The following NLGN1 variants were observed in gnomAD, a reference collection of about 807,000 sequenced individuals.
The protein encoded by NLGN1 is neuroligin-1.
Under a neutral mutation model 65.5 loss-of-function variants are expected in NLGN1, and 12 were observed. That is an observed-to-expected ratio of 0.18 (90% CI 0.12 to 0.30). The LOEUF (loss-of-function observed/expected upper bound fraction) is 0.30, where lower values mean the gene tolerates loss of function less well. NLGN1 is among the 10% of genes least tolerant of loss of function. The probability of loss-of-function intolerance (pLI) is 1.00; values close to 1 mark genes in which losing one functional copy is unlikely to be tolerated. For missense variants in NLGN1, 750 were observed against 1,007.1 expected (o/e 0.74, Z 3.46); for synonymous variants, 350 against 359.5 (o/e 0.97, Z 0.30).
intron 2 of NLGN1, among the ~76,000 whole-genome samples, chr3:173,545,824 C>T (rs1739709003): frequency 1.3e-5 from 2 of 152,050 alleles, no homozygotes; most frequent in Admixed American, 6.6e-5. Context: ...AACCACCATT[C>T]TCAGCAAACT....
At chr3:174,260,355 T>C (rs892318859) in intron 4 of NLGN1, among the ~76,000 whole-genome samples, 1 of 149,502 alleles carries the variant, frequency 6.7e-6, no homozygotes, top group Non-Finnish European at 1.5e-5. Context: ...TGTTGTTTCC[T>C]GACTTTTTAA....
At chr3:173,792,364 G>T (rs774720007) in intron 3 of NLGN1, among the ~76,000 whole-genome samples, 1 of 152,168 alleles carries the variant, frequency 6.6e-6, no homozygotes, top group Non-Finnish European at 1.5e-5. Flanking sequence ...TTATAGTCAG[G>T]TCTTGCTGGT....
intron 2 of NLGN1, among the ~76,000 whole-genome samples, chr3:173,447,627 T>G (rs985184742): frequency 6.6e-6 from 1 of 152,214 alleles, no homozygotes; most frequent in Non-Finnish European, 1.5e-5. Context: ...GGGGATGGCA[T>G]TGAATCTATA....
chr3:173,526,190 A>C (rs528339965), intron 2 of NLGN1, among the ~76,000 whole-genome samples: 2 of 152,112 alleles, frequency 1.3e-5, no homozygotes, highest in East Asian at 3.9e-4. Flanking sequence ...GTATTATTGA[A>C]TTGCTTTCAG....
At chr3:173,610,624 T>G (rs1226672359) in intron 3 of NLGN1, among the ~76,000 whole-genome samples, 1 of 151,914 alleles carries the variant, frequency 6.6e-6, no homozygotes, top group Non-Finnish European at 1.5e-5. Context: ...CAATGGAAAC[T>G]GAGAAAGAAT....
intron 3 of NLGN1, among the ~76,000 whole-genome samples, chr3:173,745,518 G>T (rs1332506809): frequency 6.6e-6 from 1 of 151,976 alleles, no homozygotes; most frequent in African/African-American, 2.4e-5. Context: ...ACAGACAAAA[G>T]TTCAAGCAAA....
intron 4 of NLGN1, among the ~76,000 whole-genome samples, chr3:174,107,844 A>T (rs1455219717): frequency 1.3e-5 from 2 of 152,154 alleles, no homozygotes; most frequent in Non-Finnish European, 2.9e-5. Flanking sequence ...GGGAATAGTG[A>T]CATCTCATTG....
At chr3:173,562,838 T>C (rs1241913175) in intron 2 of NLGN1, among the ~76,000 whole-genome samples, 1 of 152,216 alleles carries the variant, frequency 6.6e-6, no homozygotes, top group Non-Finnish European at 1.5e-5. Context: ...AAGTCATGTC[T>C]GTATTCCAGA....
chr3:173,482,825 C>T (rs1727518626), intron 2 of NLGN1, among the ~76,000 whole-genome samples: 1 of 151,968 alleles, frequency 6.6e-6, no homozygotes, highest in South Asian at 2.1e-4. Context: ...TGTAGGCAGA[C>T]AATGTCCTTA....
chr3:173,836,070 G>A (rs934576751), intron 4 of NLGN1, among the ~76,000 whole-genome samples: 1 of 152,132 alleles, frequency 6.6e-6, no homozygotes, highest in East Asian at 1.9e-4. Flanking sequence ...ACTGGAACTT[G>A]CAGCCAGGTA....
intron 3 of NLGN1, among the ~76,000 whole-genome samples, chr3:173,778,462 C>T (rs1216158714): frequency 6.6e-6 from 1 of 151,712 alleles, no homozygotes; most frequent in Admixed American, 6.6e-5. Flanking sequence ...CTTGCTGGCA[C>T]AAGATAAGGG....
At chr3:173,755,953 A>G (rs953415457) in intron 3 of NLGN1, among the ~76,000 whole-genome samples, 1 of 152,140 alleles carries the variant, frequency 6.6e-6, no homozygotes, top group African/African-American at 2.4e-5. Flanking sequence ...GATCAATTGT[A>G]TCATTGGTAA....
chr3:173,901,366 G>C lies in NLGN1; in HGVS notation c.646+93534G>C, dbSNP rs1224268137. Among the ~76,000 whole-genome samples the C allele has an allele frequency of 7.1e-5, 10 of 140,078 alleles. No individual in the cohort carries two copies. In the South Asian group the frequency reaches 1.6e-3, roughly 22 times the overall value. The allele number at this position is 140,078 out of a possible 152,430, so 91.9% of individuals were successfully genotyped here. A position where few individuals can be genotyped will look rare whatever the true frequency, so the allele number is the denominator to read the frequency against. ...ATTTGAAAAACTAGTATTTTTTTTG[G>C]GGGGGTGTGTGTGTGTGTGTTTAAA... On this transcript the variant is annotated intron_variant, in intron 4 of 6. Transcript: ENST00000457714.
chr3:173,490,606 A>G (rs1728958434), intron 2 of NLGN1, among the ~76,000 whole-genome samples: 1 of 152,152 alleles, frequency 6.6e-6, no homozygotes, highest in African/African-American at 2.4e-5. Flanking sequence ...TGAACTTTAA[A>G]GTAGCTTTTT....
chr3:173,983,970 A>G (rs1235565459), intron 4 of NLGN1, among the ~76,000 whole-genome samples: 7 of 152,208 alleles, frequency 4.6e-5, no homozygotes, highest in African/African-American at 1.7e-4. Context: ...CTGAATTTTT[A>G]AACAAAAATT....
At chr3:173,884,168 T>C (rs1282189764) in intron 4 of NLGN1, among the ~76,000 whole-genome samples, 2 of 152,192 alleles carry the variant, frequency 1.3e-5, no homozygotes, top group African/African-American at 4.8e-5. Context: ...TTACATTGTC[T>C]TTGAAAGGAG....
intron 4 of NLGN1, among the ~76,000 whole-genome samples, chr3:173,836,707 C>T (rs1424999065): frequency 1.3e-5 from 2 of 152,124 alleles, no homozygotes; most frequent in African/African-American, 4.8e-5. Context: ...TCCCCCATTA[C>T]TGAGAAAGGA....
chr3:174,079,250 A>C (rs982886529), intron 4 of NLGN1, among the ~76,000 whole-genome samples: 2 of 152,214 alleles, frequency 1.3e-5, no homozygotes, highest in African/African-American at 4.8e-5. Flanking sequence ...AAATTTTCAA[A>C]AGGAGATATA....
chr3:174,052,021 A>G (rs1341230922), intron 4 of NLGN1, among the ~76,000 whole-genome samples: 3 of 152,100 alleles, frequency 2.0e-5, no homozygotes, highest in Non-Finnish European at 4.4e-5. Context: ...TTCATGTGGC[A>G]TAATCGGTTT....
Sources: allele counts gnomAD v4.1 joint callset (sites outside exome capture counted in the v4.1 genomes callset), GRCh38; gene constraint gnomAD v4.1.1; transcripts MANE v1.5; gene names NCBI Gene and HGNC (gene_info 2026-07-23, HGNC 2026-07-21).